RUBCN: variants seen among roughly 807,000 people sequenced by gnomAD.
RUBCN encodes rubicon autophagy regulator.
In RUBCN, 74 loss-of-function variants were observed where a neutral mutation model predicts 113.2. That is an observed-to-expected ratio of 0.65 (90% confidence interval 0.54 to 0.79). The LOEUF is 0.79. Ranked by LOEUF, RUBCN falls within the 30% of genes least tolerant of loss-of-function variation. RUBCN has a pLI of 0.00. For missense variants in RUBCN, 1,109 were observed against 1,251.7 expected (o/e 0.89, Z 1.72); for synonymous variants, 480 against 490.0 (o/e 0.98, Z 0.27).
At chr3:197,676,131 T>C (rs1720383951) in intron 18 of RUBCN, 1 of 943,230 alleles carries the variant, frequency 1.1e-6, no homozygotes, top group Non-Finnish European at 1.3e-6. Context: ...AACGCTGTCA[T>C]ACAAATTACC....
chr3:197,675,322 G>T lies in RUBCN; in HGVS notation c.2740+100C>A. 1 of 1,501,628 alleles carries T rather than the reference G, an allele frequency of 6.7e-7. No homozygotes were observed. Among genetic ancestry groups the T allele is most frequent in the Non-Finnish European group, 9.3e-7 (1 of 1,079,820 alleles). 93.0% of individuals were successfully genotyped at this position (1,501,628 alleles called of 1,614,324 possible). A position where few individuals can be genotyped will look rare whatever the true frequency, so the allele number is the denominator to read the frequency against. On this transcript the variant is annotated intron_variant, in intron 19 of 19. Transcript: ENST00000296343. The surrounding 1 kb of genome is among the most constrained non-coding windows in gnomAD (Gnocchi z 4.4). ...GTGTCCCCTGGGGAGGCCCCGCGAG[G>T]TGCTGAGTGGCACCGAACTCTTGCT...
rs1360678646 is a variant in RUBCN, at chr3:197,672,306, T to G, written c.*2712A>C. 1.3e-5 allele frequency: 2 copies of G among 152,184 alleles called. No individual in the cohort carries two copies. Among genetic ancestry groups the G allele is most frequent in the African/African-American group, 2.4e-5 (1 of 41,448 alleles). 9.4% of individuals were successfully genotyped at this position (152,184 alleles called of 1,614,324 possible). On this transcript the variant is annotated 3_prime_UTR_variant, in exon 20 of 20. Coordinates refer to ENST00000296343, the MANE Select transcript of RUBCN (RefSeq NM_014687.4). ...TACAGAAAGAACACTATCACCTGCC[T>G]TCATTTAGAAGGAATTCTCTTCAGT...
At chr3:197,735,614 C>T (rs1728032997) in intron 1 of RUBCN, among the ~76,000 whole-genome samples, 1 of 152,136 alleles carries the variant, frequency 6.6e-6, no homozygotes, top group Admixed American at 6.6e-5. Context: ...TTTTTGAAGA[C>T]AGGGTCTTCC....
At chr3:197,719,974 A>G (rs1725965259) in intron 1 of RUBCN, among the ~76,000 whole-genome samples, 1 of 152,180 alleles carries the variant, frequency 6.6e-6, no homozygotes, top group South Asian at 2.1e-4. Flanking sequence ...GAACTACACC[A>G]TACACTGCTG....
chr3:197,744,058 TC>T (rs1283976776), intron 1 of RUBCN, among the ~76,000 whole-genome samples: 2 of 151,428 alleles, frequency 1.3e-5, no homozygotes, highest in Admixed American at 6.6e-5. Flanking sequence ...TATCTATATA[TC>T]ATATAATATA....
chr3:197,733,984 G>T (rs780175780), intron 1 of RUBCN, among the ~76,000 whole-genome samples: 6 of 152,080 alleles, frequency 3.9e-5, no homozygotes, highest in African/African-American at 1.2e-4. Context: ...GGCCGGGCAC[G>T]GTGGTTCACG....
chr3:197,696,315 T>C (rs13318059), intron 8 of RUBCN, among the ~76,000 whole-genome samples: 4,093 of 150,882 alleles, frequency 0.027, 109 homozygotes, highest in African/African-American at 0.071. Flanking sequence ...GAGGTTGCAG[T>C]GAGCCAAGAT....
chr3:197,727,482 T>C (rs978499158), intron 1 of RUBCN, among the ~76,000 whole-genome samples: 1 of 152,234 alleles, frequency 6.6e-6, no homozygotes, highest in Non-Finnish European at 1.5e-5. Flanking sequence ...TTCTTACCCA[T>C]TCTGCTTAAA....
At chr3:197,702,861 G>GA (rs1240420160) in intron 5 of RUBCN, among the ~76,000 whole-genome samples, 1 of 151,968 alleles carries the variant, frequency 6.6e-6, no homozygotes, top group Non-Finnish European at 1.5e-5. Context: ...AAAAAAACAT[G>GA]AAAAAACTGA....
intron 16 of RUBCN, among the ~76,000 whole-genome samples, chr3:197,680,260 G>A (rs1291695756): frequency 3.0e-5 from 4 of 132,216 alleles, no homozygotes; most frequent in Admixed American, 7.6e-5. Context: ...AGACTGTCCT[G>A]TGCTCTGACA....
chr3:197,701,688 A>G lies in RUBCN; in HGVS notation c.727+20T>C. The G allele has an allele frequency of 1.9e-6, 3 of 1,612,130 alleles. No homozygotes were observed. Among genetic ancestry groups the G allele is most frequent in the Non-Finnish European group, 2.5e-6 (3 of 1,178,196 alleles). On this transcript the variant is annotated intron_variant, in intron 6 of 19. Coordinates refer to ENST00000296343, the MANE Select transcript of RUBCN (RefSeq NM_014687.4). ...AGGGCTGGGGATAAATGTAATGACC[A>G]CTTTTTCCTGTCCCCATACCTGAGC...
chr3:197,717,981 T>C lies in RUBCN; in HGVS notation c.215A>G (p.Asp72Gly). 6.2e-7 allele frequency: 1 copy of C among 1,613,752 alleles called. No individual in the cohort carries two copies. The highest frequency in any genetic ancestry group is 8.5e-7 in the Non-Finnish European group (1 of 1,180,034). The change falls in exon 2 of 20, where the codon GAC (aspartate) becomes GGC (glycine). Residue 72 changes from aspartate to glycine, a missense_variant. This residue lies in a region of RUBCN where 736 missense variants were observed against 779.6 expected (regional missense o/e 0.94). Transcript: ENST00000296343. ...QSILYHGLIR[D>G]QACRRQTDYW... ...AAAAAAAGGAGTTCTGCATACCTGGTCACGGATAAGCCCGTGATAGAGGAT... is the reference window on the plus strand; with the variant it reads ...AAAAAAAGGAGTTCTGCATACCTGGCCACGGATAAGCCCGTGATAGAGGAT...
Position 197,683,508 on chromosome 3 carries a change from G to A in RUBCN, c.1848-69C>T, listed in dbSNP as rs910808627. 78 of 1,579,678 alleles carry A rather than the reference G, an allele frequency of 4.9e-5. 1 individual carries two copies. The East Asian group carries it at 1.7e-3, about 34-fold the overall frequency. On this transcript the variant is annotated intron_variant, in intron 12 of 19. Transcript: ENST00000296343. This position sits in a 1 kb window ranked among gnomAD's most constrained non-coding sequence, Gnocchi z 4.6. ...TGGGCGATGCGAGGCTTCCCTTCAT[G>A]ATCTCATCCCCCACGCAGCAACTTC...
chr3:197,717,135 C>CA (rs1210633708), intron 2 of RUBCN, among the ~76,000 whole-genome samples: 1 of 146,360 alleles, frequency 6.8e-6, no homozygotes, highest in African/African-American at 2.6e-5. Context: ...CACAAACAAA[C>CA]AAACAAAGGG....
chr3:197,737,494 GCAACA>G (rs1728277462), upstream of RUBCN, among the ~76,000 whole-genome samples: 1 of 151,890 alleles, frequency 6.6e-6, no homozygotes, highest in Admixed American at 6.6e-5. Context: ...GGTGGAGAGA[GCAACA>G]CGGCAGATAC....
intron 1 of RUBCN, among the ~76,000 whole-genome samples, chr3:197,731,358 G>C (rs1419142934): frequency 6.6e-6 from 1 of 152,212 alleles, no homozygotes. Flanking sequence ...ATTTTTCTTA[G>C]TACAGAACAA....
chr3:197,699,158 AAG>A (rs1458008207), intron 7 of RUBCN: 3 of 1,507,324 alleles, frequency 2.0e-6, no homozygotes, highest in Non-Finnish European at 1.8e-6. Flanking sequence ...AAACAGAACA[AAG>A]AGGAGGTGGA....
intron 11 of RUBCN, chr3:197,691,074 C>G (rs1221574626): frequency 1.6e-6 from 2 of 1,288,510 alleles, no homozygotes; most frequent in South Asian, 2.5e-5. Flanking sequence ...AGTAGGCTAC[C>G]TGAGAACATC....
At chr3:197,740,922 T>C (rs1728502365), upstream of RUBCN, among the ~76,000 whole-genome samples, 1 of 152,172 alleles carries the variant, frequency 6.6e-6, no homozygotes, top group African/African-American at 2.4e-5. Context: ...CACACAGCCC[T>C]TAGAAATAGA....
Sources: gnomAD v4.1 joint callset for allele counts (sites outside exome capture counted in the v4.1 genomes callset) on GRCh38, gnomAD v4.1.1 for gene constraint, gnomAD v4.1.1 regional missense constraint, Gnocchi (gnomAD v3.1) non-coding constraint, MANE v1.5 for transcripts, NCBI Gene and HGNC (gene_info 2026-07-23, HGNC 2026-07-21) for gene names.